SATL1: variants seen among roughly 807,000 people sequenced by gnomAD.
SATL1 encodes spermidine/spermine N(1)-acetyltransferase-like protein 1.
In SATL1, 47 loss-of-function variants were observed where a neutral mutation model predicts 51.8. The ratio of observed to expected loss-of-function variants is 0.91; its 90% CI spans 0.72 to 1.16. The LOEUF is 1.16. Ranked by LOEUF, SATL1 falls within the 50% of genes most tolerant of loss-of-function variation. The pLI is 0.00. For synonymous variants in SATL1, 176 were observed against 182.4 expected (o/e 0.97, Z 0.28); for missense variants, 520 against 526.4 (o/e 0.99, Z 0.12).
chrX:85,158,904 A>G (rs1322479572), intron 2 of SATL1, among the ~76,000 whole-genome samples: 1 of 112,081 alleles, frequency 8.9e-6, no homozygotes, highest in Non-Finnish European at 1.9e-5. Flanking sequence ...TAAGCTTTAA[A>G]TTATCAAGTT....
At chrX:85,121,982 A>G (rs1436956795) in intron 2 of SATL1, among the ~76,000 whole-genome samples, 1 of 109,024 alleles carries the variant, frequency 9.2e-6, no homozygotes, top group Non-Finnish European at 1.9e-5. Context: ...CCATAGATAC[A>G]TACAAATTGT....
intron 2 of SATL1, among the ~76,000 whole-genome samples, chrX:85,149,086 A>G (rs1926343159): frequency 9.0e-6 from 1 of 111,635 alleles, no homozygotes; most frequent in Non-Finnish European, 1.9e-5. Context: ...ACGTGCAGAG[A>G]CACACATAGG....
At chrX:85,194,275 A>T (rs1165524553) in intron 2 of SATL1, among the ~76,000 whole-genome samples, 2 of 111,580 alleles carry the variant, frequency 1.8e-5, no homozygotes, top group African/African-American at 6.5e-5. Context: ...GAAGGATTTT[A>T]AAAAGAAGAG....
At chrX:85,174,382 G>A (rs1310848599) in intron 2 of SATL1, among the ~76,000 whole-genome samples, 2 of 108,846 alleles carry the variant, frequency 1.8e-5, no homozygotes, top group African/African-American at 3.4e-5. Context: ...GAGTGCAATG[G>A]CATAATCTCG....
chrX:85,191,113 TATAATA>T (rs200953292), intron 2 of SATL1, among the ~76,000 whole-genome samples: 2 of 108,823 alleles, frequency 1.8e-5, no homozygotes, highest in East Asian at 2.9e-4. Context: ...GAACTTAAAG[TATAATA>T]ATAATAATAA....
At chrX:85,098,077 G>C (rs900237461) in intron 4 of SATL1, among the ~76,000 whole-genome samples, 2 of 111,586 alleles carry the variant, frequency 1.8e-5, no homozygotes, top group African/African-American at 6.5e-5. Context: ...AGTATATACT[G>C]TCTACAAGAG....
At chrX:85,139,963 TTAGCACCC>T (rs1926069485) in intron 2 of SATL1, among the ~76,000 whole-genome samples, 2 of 111,660 alleles carry the variant, frequency 1.8e-5, no homozygotes, top group Admixed American at 9.5e-5. Context: ...CAGAACATTA[TTAGCACCC>T]CAGTGTCCCC....
chrX:85,205,266 A>C (rs947001231), intron 2 of SATL1, among the ~76,000 whole-genome samples: 2 of 112,258 alleles, frequency 1.8e-5, no homozygotes, highest in Non-Finnish European at 3.8e-5. Flanking sequence ...CATTCAACAA[A>C]ATTTATTGAA....
intron 2 of SATL1, among the ~76,000 whole-genome samples, chrX:85,217,801 T>C (rs904335731): frequency 1.5e-4 from 17 of 111,812 alleles, no homozygotes; most frequent in African/African-American, 4.2e-4. Flanking sequence ...CCTAGTGGTC[T>C]GCCTATCTCT....
chrX:85,194,099 C>T (rs1927500305), intron 2 of SATL1, among the ~76,000 whole-genome samples: 1 of 111,829 alleles, frequency 8.9e-6, no homozygotes, highest in South Asian at 3.7e-4. Context: ...AAACATAGTA[C>T]TTTCCACAAT....
At chrX:85,221,998 T>C (rs1345012542) in intron 2 of SATL1, among the ~76,000 whole-genome samples, 2 of 112,039 alleles carry the variant, frequency 1.8e-5, no homozygotes, top group Admixed American at 1.9e-4. Context: ...TTTGTCTGTA[T>C]GCACTGAAAA....
At chrX:85,194,299 T>C (rs1437041259) in intron 2 of SATL1, among the ~76,000 whole-genome samples, 1 of 111,594 alleles carries the variant, frequency 9.0e-6, no homozygotes, top group Non-Finnish European at 1.9e-5. Flanking sequence ...TGTGATCAGA[T>C]CTGCATTTTA....
At chrX:85,204,629 C>T (rs1173617204) in intron 2 of SATL1, among the ~76,000 whole-genome samples, 1 of 111,672 alleles carries the variant, frequency 9.0e-6, no homozygotes, top group East Asian at 2.8e-4. Context: ...GAAACAATTC[C>T]TCTCTAATTG....
intron 2 of SATL1, among the ~76,000 whole-genome samples, chrX:85,169,694 A>G (rs1478161443): frequency 8.9e-6 from 1 of 111,758 alleles, no homozygotes; most frequent in Non-Finnish European, 1.9e-5. Flanking sequence ...TAATTCAACA[A>G]TTGTGGAAAG....
At chrX:85,162,460 G>A (rs1327771534) in intron 2 of SATL1, among the ~76,000 whole-genome samples, 1 of 111,238 alleles carries the variant, frequency 9.0e-6, no homozygotes. Flanking sequence ...GAGTTTTGTA[G>A]GTATACTATC....
At chrX:85,140,347 A>G (rs1190423410) in intron 2 of SATL1, among the ~76,000 whole-genome samples, 1 of 111,789 alleles carries the variant, frequency 8.9e-6, no homozygotes, top group Non-Finnish European at 1.9e-5. Context: ...TACTTGTCTA[A>G]TCCCCATAAC....
intron 2 of SATL1, among the ~76,000 whole-genome samples, chrX:85,152,249 A>T (rs1300007960): frequency 8.9e-6 from 1 of 111,971 alleles, no homozygotes; most frequent in African/African-American, 3.2e-5. Context: ...GAGAAATGCA[A>T]ATCAAAACCA....
chrX:85,166,933 A>ATATC (rs1325369840), intron 2 of SATL1, among the ~76,000 whole-genome samples: 1 of 87,925 alleles, frequency 1.1e-5, no homozygotes, highest in African/African-American at 5.6e-5. Context: ...ATATATATAT[A>ATATC]TATGTGTATG....
At chrX:85,131,625 A>G (rs1488435580) in intron 2 of SATL1, among the ~76,000 whole-genome samples, 1 of 111,594 alleles carries the variant, frequency 9.0e-6, no homozygotes, top group Non-Finnish European at 1.9e-5. Flanking sequence ...GTGTCTTTTA[A>G]TTGGAGCATT....
Sources: gnomAD v4.1 joint callset for allele counts (sites outside exome capture counted in the v4.1 genomes callset) on GRCh38, gnomAD v4.1.1 for gene constraint, MANE v1.5 for transcripts, NCBI Gene and HGNC (gene_info 2026-07-23, HGNC 2026-07-21) for gene names.